The following USP38 variants were observed in gnomAD, a reference collection of about 807,000 sequenced individuals.
USP38 encodes ubiquitin specific peptidase 38, also known as ubiquitin carboxyl-terminal hydrolase 38.
USP38 carries 49 observed loss-of-function variants against 94.3 expected under a neutral mutation model. That is an observed-to-expected ratio of 0.52 (90% confidence interval 0.41 to 0.66). USP38 has a LOEUF of 0.66. Among genes scored for constraint, USP38 ranks in the 30% least tolerant of loss-of-function variants. USP38 has a pLI of 0.00. For missense variants in USP38, 1,128 were observed against 1,229.4 expected (o/e 0.92, Z 1.23); for synonymous variants, 468 against 463.6 (o/e 1.01, Z -0.12).
Position 143,213,826 on chromosome 4 carries a change from C to T in USP38, c.1850C>T (p.Ser617Leu), listed in dbSNP as rs973827706. The T allele has an allele frequency of 3.7e-6, 6 of 1,613,692 alleles. No individual in the cohort carries two copies. The highest frequency in any genetic ancestry group is 4.5e-5 in the East Asian group (2 of 44,874). Residue 617 changes from serine to leucine, a missense_variant, in exon 9 of 10, where the codon TCG becomes TTG. Ser to Leu is a moderately radical substitution (Grantham distance 145). Transcript: ENST00000307017. ...SQKVEAFTDLSLAFCPSSSLE... is the reference protein window; with the variant it reads ...SQKVEAFTDLLLAFCPSSSLE... ...AAAGTGGAAGCCTTTACAGATCTTTCGCTTGCCTTTTGTCCTTCCTCTTCT... is the reference window on the plus strand; with the variant it reads ...AAAGTGGAAGCCTTTACAGATCTTTTGCTTGCCTTTTGTCCTTCCTCTTCT...
chr4:143,190,498 G>A (rs970586345), intron 2 of USP38, among the ~76,000 whole-genome samples: 1 of 151,862 alleles, frequency 6.6e-6, no homozygotes, highest in African/African-American at 2.4e-5. Context: ...TCTCACTTAG[G>A]GTCACTCTCT....
intron 6 of USP38, among the ~76,000 whole-genome samples, chr4:143,207,467 G>A (rs780881545): frequency 2.6e-5 from 4 of 152,200 alleles, no homozygotes; most frequent in Non-Finnish European, 4.4e-5. Context: ...GAACCCAGGA[G>A]GCGGAGGTTG....
At chr4:143,196,172 G>A (rs1316212315) in intron 3 of USP38, among the ~76,000 whole-genome samples, 1 of 152,052 alleles carries the variant, frequency 6.6e-6, no homozygotes, top group Non-Finnish European at 1.5e-5. Flanking sequence ...TTGGCATAAT[G>A]GTTCATGCCT....
In USP38 at chr4:143,186,131, A is replaced by G; in HGVS notation, c.681A>G (p.Thr227=). 6.2e-7 allele frequency: 1 copy of G among 1,613,550 alleles called. No individual in the cohort carries two copies. The highest frequency in any genetic ancestry group is 8.5e-7 in the Non-Finnish European group (1 of 1,179,618). The change falls in exon 1 of 10, where the codon ACA becomes ACG. Residue 227 remains threonine, a splice_region_variant and synonymous_variant. Transcript: ENST00000307017. ...LQEVFASISS[T]DASFEPSVAL... ...AAGTTTTTGCAAGCATCTCTTCCAC[A>G]GGTAAGGGTCATTATCTTTCAGAAT... is the stretch of plus-strand genomic sequence containing the variant.
In USP38 at chr4:143,214,354, C is replaced by A; in HGVS notation, c.2378C>A (p.Pro793Gln). 1 of 1,613,482 alleles carries A rather than the reference C, an allele frequency of 6.2e-7. No individual in the cohort carries two copies. Among genetic ancestry groups the A allele is most frequent in the Non-Finnish European group, 8.5e-7 (1 of 1,179,766 alleles). ...TCACTGCCACTGGTTTTGGAGTTGC[C>A]AGTTAAAAGAATTACTTCTTTCTCT... is the stretch of plus-strand genomic sequence containing the variant. ...NVSLPLVLEL[P>Q]VKRITSFSSL... The change falls in exon 9 of 10, where the codon CCA (proline) becomes CAA (glutamine). Residue 793 changes from proline to glutamine, a missense_variant. By Grantham distance (76) the Pro-to-Gln change is moderately conservative. Transcript: ENST00000307017.
chr4:143,206,460 C>T (rs866881789), intron 6 of USP38, among the ~76,000 whole-genome samples: 1 of 152,084 alleles, frequency 6.6e-6, no homozygotes, highest in African/African-American at 2.4e-5. Flanking sequence ...GAGGCCAAGA[C>T]GGGTGGATAG....
In USP38 at chr4:143,213,687, G is replaced by C; in HGVS notation, c.1711G>C (p.Val571Leu). Reference protein sequence around the residue: ...SLQEVASKAAVLTETPRTSDG... With the variant: ...SLQEVASKAALLTETPRTSDG... ...ACAGGAAGTAGCTAGTAAAGCAGCA[G>C]TACTAACAGAGACCCCTCGTACAAG... Residue 571 changes from valine (V) to leucine (L), a missense_variant, in exon 9 of 10, where the codon GTA becomes CTA. Transcript: ENST00000307017. 6.2e-7 allele frequency: 1 copy of C among 1,613,690 alleles called. No homozygotes were observed. Among genetic ancestry groups the C allele is most frequent in the Non-Finnish European group, 8.5e-7 (1 of 1,179,794 alleles).
chr4:143,186,129 A>T lies in USP38; in HGVS notation c.679A>T (p.Thr227Ser), dbSNP rs149526106. The change falls in exon 1 of 10, where the codon ACA becomes TCA. Residue 227 changes from threonine to serine, a missense_variant. Thr to Ser is a moderately conservative substitution (Grantham distance 58). Transcript: ENST00000307017. ...LQEVFASISS[T>S]DASFEPSVAL... is the part of the protein sequence containing the mutation. ...AGAAGTTTTTGCAAGCATCTCTTCC[A>T]CAGGTAAGGGTCATTATCTTTCAGA... The T allele has an allele frequency of 3.1e-6, 5 of 1,613,784 alleles. No individual in the cohort carries two copies. The highest frequency in any genetic ancestry group is 4.2e-6 in the Non-Finnish European group (5 of 1,179,768).
Position 143,185,930 on chromosome 4 carries a change from G to A in USP38, c.480G>A (p.Lys160=). 6.2e-7 allele frequency: 1 copy of A among 1,614,164 alleles called. No homozygotes were observed. Among genetic ancestry groups the A allele is most frequent in the East Asian group, 2.2e-5 (1 of 44,858 alleles). ...LLTDFVQCIP[K]GKLSITFCQQ... ...CCGACTTTGTGCAATGCATCCCCAA[G>A]GGGAAATTGTCCATCACGTTCTGTC... Residue 160 remains lysine (K), a synonymous_variant, in exon 1 of 10, where the codon AAG becomes AAA. Coordinates refer to ENST00000307017, the MANE Select transcript of USP38 (RefSeq NM_032557.6).
At chr4:143,219,279 A>G (rs892865717) in intron 9 of USP38, among the ~76,000 whole-genome samples, 2 of 152,064 alleles carry the variant, frequency 1.3e-5, no homozygotes, top group African/African-American at 4.8e-5. Flanking sequence ...TGAAAAATAA[A>G]GTATCTATAA....
At chr4:143,206,287 A>G in intron 6 of USP38, 61 bp downstream of exon 6, 1 of 1,341,590 alleles carries the variant, frequency 7.5e-7, no homozygotes, top group Non-Finnish European at 1.0e-6. Flanking sequence ...CTGATGAAAT[A>G]TAAGATGATA....
intron 5 of USP38, chr4:143,204,350 A>C (rs1731801144): frequency 1.1e-5 from 5 of 445,738 alleles, no homozygotes; most frequent in Non-Finnish European, 2.2e-5. Context: ...TTATTTGTGG[A>C]GTTATACTGT....
chr4:143,200,140 T>TA (rs1344654672), intron 4 of USP38, among the ~76,000 whole-genome samples: 1 of 152,074 alleles, frequency 6.6e-6, no homozygotes, highest in African/African-American at 2.4e-5. Context: ...TGAACATCGA[T>TA]ACAAAAATCC....
At chr4:143,188,787 C>G (rs1731306911) in intron 2 of USP38, among the ~76,000 whole-genome samples, 1 of 151,976 alleles carries the variant, frequency 6.6e-6, no homozygotes, top group African/African-American at 2.4e-5. Flanking sequence ...GGCTTGCATT[C>G]TAGTTGGGGA....
At chr4:143,210,535 C>T (rs185623088) in intron 7 of USP38, among the ~76,000 whole-genome samples, 8 of 151,510 alleles carry the variant, frequency 5.3e-5, no homozygotes, top group African/African-American at 1.9e-4. Context: ...TGCGGTGAGC[C>T]GAGATCGTGC....
intron 2 of USP38, among the ~76,000 whole-genome samples, chr4:143,192,674 T>G (rs1225198358): frequency 2.0e-5 from 3 of 150,924 alleles, no homozygotes; most frequent in Non-Finnish European, 4.4e-5. Flanking sequence ...GGTGCCCCCT[T>G]CAGCCTCTAA....
intron 5 of USP38, among the ~76,000 whole-genome samples, chr4:143,204,128 C>T (rs569855756): frequency 1.3e-5 from 2 of 152,178 alleles, no homozygotes; most frequent in Admixed American, 1.3e-4. Context: ...ACTACAGGCA[C>T]CTGCCACCAT....
intron 4 of USP38, among the ~76,000 whole-genome samples, chr4:143,200,128 A>G (rs1291855646): frequency 6.6e-6 from 1 of 152,050 alleles, no homozygotes; most frequent in Non-Finnish European, 1.5e-5. Context: ...TCCTTGATGT[A>G]ATGAACATCG....
chr4:143,213,903 G>A lies in USP38; in HGVS notation c.1927G>A (p.Gly643Ser), dbSNP rs1352428943. 1 of 1,613,692 alleles carries A rather than the reference G, an allele frequency of 6.2e-7. No individual in the cohort carries two copies. Among genetic ancestry groups the A allele is most frequent in the Non-Finnish European group, 8.5e-7 (1 of 1,179,862 alleles). The stretch of plus-strand genomic sequence containing the variant: ...AGCATCATCACCCAGTATACAAGAT[G>A]GTGGTCTAATGCAAGCCTCTGTACC... ...DPASSPSIQD[G>S]GLMQASVPGP... Residue 643 changes from glycine (G) to serine (S), a missense_variant, in exon 9 of 10, where the codon GGT (glycine) becomes AGT (serine). Transcript: ENST00000307017.
Sources: allele counts gnomAD v4.1 joint callset (sites outside exome capture counted in the v4.1 genomes callset), GRCh38; gene constraint gnomAD v4.1.1; transcripts MANE v1.5; gene names NCBI Gene and HGNC (gene_info 2026-07-23, HGNC 2026-07-21).